The following MAGI1 variants were observed in gnomAD, a reference collection of about 807,000 sequenced individuals.
MAGI1 encodes the protein membrane associated guanylate kinase, WW and PDZ domain containing 1.
Under a neutral mutation model 139.9 loss-of-function variants are expected in MAGI1, and 58 were observed. That is an observed-to-expected ratio of 0.41 (90% confidence interval 0.34 to 0.52). The LOEUF (loss-of-function observed/expected upper bound fraction) is 0.52. MAGI1 is among the 20% of genes least tolerant of loss of function. The pLI, the probability that MAGI1 is intolerant of heterozygous loss-of-function variation, is 0.12. For missense variants in MAGI1, 1,874 were observed against 1,901.6 expected, an observed-to-expected ratio of 0.99 and a Z score of 0.27; for synonymous variants, 812 against 737.9, an observed-to-expected ratio of 1.10 and a Z score of -1.63.
At chr3:65,537,096 A>G (rs2078995960) in intron 2 of MAGI1, among the ~76,000 whole-genome samples, 1 of 152,166 alleles carries the variant, frequency 6.6e-6, no homozygotes. Flanking sequence ...GTCCTTTACA[A>G]TATATCCCAA....
At chr3:65,468,335 C>G (rs1001303233) in intron 5 of MAGI1, among the ~76,000 whole-genome samples, 4 of 148,996 alleles carry the variant, frequency 2.7e-5, no homozygotes, top group African/African-American at 9.9e-5. Context: ...TATCTCAGAA[C>G]TCTTCCCGGG....
In MAGI1 at chr3:65,382,012, A is replaced by G; in HGVS notation, c.2566T>C (p.Ser856Pro). Residue 856 changes from serine (S) to proline (P), a missense_variant, in exon 16 of 23, where the codon TCT (serine) becomes CCT (proline). Around this residue, in one of 5 missense-constraint regions of MAGI1, gnomAD observed 482 missense variants for 509.6 expected, o/e 0.95. Transcript: ENST00000402939. Reference protein sequence around the residue: ...GAADTDGRLRSGDELICVDGT... With the variant: ...GAADTDGRLRPGDELICVDGT... ...TCCACACAGATTAATTCATCTCCAG[A>G]CCTCAGGCGGCCGTCAGTATCAGCA... 1.2e-6 allele frequency: 2 copies of G among 1,614,072 alleles called. No homozygotes were observed. The highest frequency in any genetic ancestry group is 1.7e-6 in the Non-Finnish European group (2 of 1,180,012).
At chr3:66,021,299 GC>G (rs2067947446) in intron 1 of MAGI1, among the ~76,000 whole-genome samples, 1 of 152,188 alleles carries the variant, frequency 6.6e-6, no homozygotes, top group East Asian at 1.9e-4. Flanking sequence ...ATTAGTCAAT[GC>G]TGTCTTTCCA....
chr3:65,505,304 G>C (rs2077236683), intron 2 of MAGI1, among the ~76,000 whole-genome samples: 1 of 150,748 alleles, frequency 6.6e-6, no homozygotes, highest in African/African-American at 2.4e-5. Context: ...GATTAATTAA[G>C]AATATCAAGT....
intron 18 of MAGI1, chr3:65,365,181 A>G: frequency 1.4e-6 from 1 of 708,322 alleles, no homozygotes; most frequent in Non-Finnish European, 2.6e-6. Context: ...ATCTCCACAA[A>G]TAAAACAGAG....
At chr3:65,423,208 T>C (rs1167687109) in intron 12 of MAGI1, among the ~76,000 whole-genome samples, 3 of 152,188 alleles carry the variant, frequency 2.0e-5, no homozygotes, top group African/African-American at 7.2e-5. Flanking sequence ...TGAGACATTG[T>C]GGCAGTCAAG....
intron 1 of MAGI1, among the ~76,000 whole-genome samples, chr3:65,883,977 C>G (rs767832419): frequency 1.3e-5 from 2 of 152,022 alleles, no homozygotes; most frequent in Non-Finnish European, 2.9e-5. Context: ...GAATCATTCC[C>G]TAAAAGGCTT....
intron 1 of MAGI1, among the ~76,000 whole-genome samples, chr3:65,910,541 GC>G (rs2061614741): frequency 2.0e-5 from 3 of 152,152 alleles, no homozygotes; most frequent in African/African-American, 7.2e-5. Flanking sequence ...GCAGCACCAT[GC>G]CAAACACTGA....
chr3:65,917,025 T>C, intron 1 of MAGI1, among the ~76,000 whole-genome samples: 1 of 152,356 alleles, frequency 6.6e-6, no homozygotes, highest in South Asian at 2.1e-4. Context: ...TTTAAATTTA[T>C]AATGTCAAAG....
intron 1 of MAGI1, among the ~76,000 whole-genome samples, chr3:65,791,983 T>C (rs2039804279): frequency 6.6e-6 from 1 of 152,108 alleles, no homozygotes. Flanking sequence ...AGAACCCCAG[T>C]GAATGCCTGA....
chr3:65,946,881 T>C (rs1413990888), intron 1 of MAGI1, among the ~76,000 whole-genome samples: 1 of 152,220 alleles, frequency 6.6e-6, no homozygotes, highest in East Asian at 1.9e-4. Flanking sequence ...ATGCAGCTAA[T>C]GAGTTTATAC....
intron 7 of MAGI1, among the ~76,000 whole-genome samples, chr3:65,444,344 A>C (rs58267928): frequency 0.026 from 3,986 of 152,230 alleles, 169 homozygotes; most frequent in African/African-American, 0.091. Flanking sequence ...AAAATGAACC[A>C]GGAAAATATT....
chr3:66,030,745 C>G (rs1206876817), intron 1 of MAGI1, among the ~76,000 whole-genome samples: 6 of 152,088 alleles, frequency 3.9e-5, no homozygotes, highest in African/African-American at 1.4e-4. Context: ...CACGGGCAGC[C>G]TTGGAAGTCA....
At chr3:65,915,690 A>T (rs1370236979) in intron 1 of MAGI1, among the ~76,000 whole-genome samples, 1 of 152,158 alleles carries the variant, frequency 6.6e-6, no homozygotes, top group Non-Finnish European at 1.5e-5. Context: ...ACGTAGTTCC[A>T]TCAAGAGCCA....
At chr3:65,549,258 G>T in intron 2 of MAGI1, 1 of 319,910 alleles carries the variant, frequency 3.1e-6, no homozygotes, top group Non-Finnish European at 4.5e-6. Flanking sequence ...CCCCGGCGCG[G>T]CCACTTCCTC....
chr3:65,544,223 T>C (rs1328993434), intron 2 of MAGI1, among the ~76,000 whole-genome samples: 1 of 152,226 alleles, frequency 6.6e-6, no homozygotes, highest in Non-Finnish European at 1.5e-5. Flanking sequence ...TGCTGTATTT[T>C]ACCATAAAAT....
intron 2 of MAGI1, chr3:65,619,919 T>A: frequency 1.0e-6 from 1 of 985,256 alleles, no homozygotes; most frequent in Non-Finnish European, 1.2e-6. Flanking sequence ...TTCACAGCCA[T>A]AAAACATCAA....
At chr3:66,029,886 G>A (rs2068502088) in intron 1 of MAGI1, among the ~76,000 whole-genome samples, 1 of 152,188 alleles carries the variant, frequency 6.6e-6, no homozygotes, top group Non-Finnish European at 1.5e-5. Context: ...GGTGACTCTA[G>A]TAGCCTCAGC....
chr3:65,941,970 G>T (rs1316374773), intron 1 of MAGI1, among the ~76,000 whole-genome samples: 1 of 152,046 alleles, frequency 6.6e-6, no homozygotes. Flanking sequence ...ATTTTTTGTA[G>T]AGACAGGGGT....
Sources: gnomAD v4.1 joint callset for allele counts (sites outside exome capture counted in the v4.1 genomes callset) on GRCh38, gnomAD v4.1.1 for gene constraint, gnomAD v4.1.1 regional missense constraint, MANE v1.5 for transcripts, NCBI Gene and HGNC (gene_info 2026-07-23, HGNC 2026-07-21) for gene names.